Variants in PANK2 observed in about 807,000 individuals in gnomAD.
PANK2 encodes the protein pantothenate kinase 2.
Under a neutral mutation model 43.1 loss-of-function variants are expected in PANK2, and 36 were observed. The ratio of observed to expected loss-of-function variants is 0.84; its 90% CI spans 0.64 to 1.10. PANK2 has a LOEUF of 1.10. PANK2 is among the 50% of genes least tolerant of loss of function. The pLI is 0.00. For synonymous variants in PANK2, 281 were observed against 238.2 expected (o/e 1.18, Z -1.66); for missense variants, 576 against 593.3 (o/e 0.97, Z 0.30).
chr20:3,890,516 C>T (rs771785472), intron 1 of PANK2, among the ~76,000 whole-genome samples: 4 of 152,200 alleles, frequency 2.6e-5, no homozygotes, highest in Non-Finnish European at 5.9e-5. Context: ...AGGACCGCTG[C>T]CTGGCAGCCA....
In PANK2 at chr20:3,923,622, T is replaced by C. The variant is rs2090680768; in HGVS notation, c.*328T>C. 2.5e-6 allele frequency: 1 copy of C among 400,802 alleles called. No individual in the cohort carries two copies. The highest frequency in any genetic ancestry group is 2.0e-5 in the African/African-American group (1 of 49,678). 24.8% of individuals were successfully genotyped at this position (400,802 alleles called of 1,614,324 possible). On this transcript the variant is annotated 3_prime_UTR_variant, in exon 7 of 7. Transcript: ENST00000610179. ...CTGAAGAGAGCTGCTCTGTGTTCAG[T>C]TGACTGGTTTTGTGTCCTGTTTGAA... is the stretch of plus-strand genomic sequence containing the variant.
intron 1 of PANK2, chr20:3,889,945 C>A: frequency 6.5e-7 from 1 of 1,527,280 alleles, no homozygotes; most frequent in Non-Finnish European, 8.8e-7. Context: ...ATGCACTTCC[C>A]GCTTGTTGGA....
In PANK2 at chr20:3,897,938, C is replaced by T. The variant is rs116021638; in HGVS notation, c.298+8210C>T. Among the ~76,000 whole-genome samples the T allele has an allele frequency of 8.6e-3, 1,307 of 151,938 alleles. 26 individuals carry two copies. Among genetic ancestry groups the T allele is most frequent in the African/African-American group, 0.03 (1,243 of 41,462 alleles). On this transcript the variant is annotated intron_variant, in intron 1 of 6. Transcript: ENST00000610179. ...GAGAATCGCTTGAACAACTGGGAGG[C>T]GGAGGTTGCAGTGAGCTGAGGTCTG...
intron 1 of PANK2, chr20:3,889,972 C>G: frequency 6.7e-7 from 1 of 1,485,456 alleles, no homozygotes; most frequent in African/African-American, 1.4e-5. Flanking sequence ...GGCTTTTCCC[C>G]AGGACCTGTC....
rs745590703 is a variant in PANK2, at chr20:3,889,563, C to G, written c.133C>G (p.Pro45Ala). 1 of 1,440,364 alleles carries G rather than the reference C, an allele frequency of 6.9e-7. No individual in the cohort carries two copies. Among genetic ancestry groups the G allele is most frequent in the African/African-American group, 1.5e-5 (1 of 67,076 alleles). The allele number at this position is 1,440,364 out of a possible 1,614,324, so 89.2% of individuals were successfully genotyped here. A position where few individuals can be genotyped will look rare whatever the true frequency, so the allele number is the denominator to read the frequency against. Residue 45 changes from proline (P) to alanine (A), a missense_variant, in exon 1 of 7, where the codon CCC (proline) becomes GCC (alanine). Around this residue, in one of 2 missense-constraint regions of PANK2, gnomAD observed 544 missense variants for 528.9 expected, o/e 1.03. Transcript: ENST00000610179. Reference sequence around the variant, plus strand: ...GGCTGGGGAGCAGGCGGCCGGGGACCCCGAAGGGCGGCGGCAGGAGCCACT... The same window carrying G: ...GGCTGGGGAGCAGGCGGCCGGGGACGCCGAAGGGCGGCGGCAGGAGCCACT...
At chr20:3,919,638 T>A (rs1338347852) in intron 6 of PANK2, among the ~76,000 whole-genome samples, 1 of 152,234 alleles carries the variant, frequency 6.6e-6, no homozygotes, top group Non-Finnish European at 1.5e-5. Context: ...GAAAGCACTC[T>A]TATTTTTCCT....
intron 1 of PANK2, among the ~76,000 whole-genome samples, chr20:3,900,679 G>T (rs1376352544): frequency 6.6e-6 from 1 of 151,910 alleles, no homozygotes; most frequent in Non-Finnish European, 1.5e-5. Flanking sequence ...TAAGCTCACA[G>T]AATTTCCTCT....
In PANK2 at chr20:3,908,027, A is replaced by C; in HGVS notation, c.400A>C (p.Ser134Arg). ...TGAAGAAGAAGAGGAAGAAGTGGAA[A>C]GTCTTAAAAGCATTCGGAAGTACCT... Residue 134 changes from serine to arginine, a missense_variant, in exon 2 of 7, where the codon AGT becomes CGT. By Grantham distance (110) the Ser-to-Arg change is moderately radical (BLOSUM62 -1). Around this residue, in one of 2 missense-constraint regions of PANK2, gnomAD observed 544 missense variants for 528.9 expected, o/e 1.03. Coordinates refer to ENST00000610179, the MANE Select transcript of PANK2 (RefSeq NM_001386393.1). 5.0e-6 allele frequency: 8 copies of C among 1,614,184 alleles called. No homozygotes were observed. The highest frequency in any genetic ancestry group is 2.2e-5 in the South Asian group (2 of 91,086).
At chr20:3,908,302 C>T in intron 2 of PANK2, 24 bp downstream of exon 2, 1 of 1,538,450 alleles carries the variant, frequency 6.5e-7, no homozygotes, top group East Asian at 2.3e-5. Context: ...AGCTTATATA[C>T]AATTTATGGT....
chr20:3,914,470 C>T (rs2041046929), intron 4 of PANK2, among the ~76,000 whole-genome samples: 1 of 151,894 alleles, frequency 6.6e-6, no homozygotes, highest in Non-Finnish European at 1.5e-5. Context: ...TGTGCACTGC[C>T]TTGCCTAATT....
At chr20:3,889,254 G>A, upstream of PANK2, 1 of 1,612,804 alleles carries the variant, frequency 6.2e-7, no homozygotes, top group East Asian at 2.2e-5. Flanking sequence ...CTCATTGGAC[G>A]GAGGCACGGT....
At chr20:3,900,018 T>C (rs2090275323) in intron 1 of PANK2, among the ~76,000 whole-genome samples, 1 of 152,040 alleles carries the variant, frequency 6.6e-6, no homozygotes, top group African/African-American at 2.4e-5. Context: ...AGTTGTACTT[T>C]TTATGCACAT....
chr20:3,888,907 C>G (rs2090057942), upstream of PANK2: 1 of 556,844 alleles, frequency 1.8e-6, no homozygotes, highest in Non-Finnish European at 3.2e-6. Context: ...AGGCTAAGGT[C>G]AGCCGCGGTT....
At position 3,889,477 on chromosome 20, in the gene PANK2, G is replaced by T. The variant is rs3737084; in HGVS notation, c.47G>T (p.Gly16Val). Residue 16 changes from glycine to valine, a missense_variant, in exon 1 of 7, where the codon GGG (glycine) becomes GTG (valine). Transcript: ENST00000610179. ...CAGCGACTGCTGCTGCGGATGGGAG[G>T]GGGCCGGCTCGGCGCGCCCATGGAG... 26 of 1,523,988 alleles carry T rather than the reference G, an allele frequency of 1.7e-5. No homozygotes were observed. In the South Asian group the frequency reaches 2.6e-4, roughly 15 times the overall value. 94.4% of individuals were successfully genotyped at this position (1,523,988 alleles called of 1,614,324 possible). A position where few individuals can be genotyped will look rare whatever the true frequency, so the allele number is the denominator to read the frequency against.
At chr20:3,914,416 GGT>G (rs1490813061) in intron 4 of PANK2, among the ~76,000 whole-genome samples, 3 of 151,814 alleles carry the variant, frequency 2.0e-5, no homozygotes, top group African/African-American at 7.3e-5. Context: ...CCTGGGCTCA[GGT>G]GTTTCTCCTG....
At chr20:3,902,651 CT>C (rs1172511497) in intron 1 of PANK2, among the ~76,000 whole-genome samples, 3 of 151,240 alleles carry the variant, frequency 2.0e-5, no homozygotes, top group Non-Finnish European at 4.4e-5. Context: ...GGACTCCTGG[CT>C]TCAAGTGATC....
intron 1 of PANK2, among the ~76,000 whole-genome samples, chr20:3,898,410 G>A (rs1294701508): frequency 6.6e-6 from 1 of 152,092 alleles, no homozygotes. Context: ...ATGTCGGCCA[G>A]ACTGGTCTCG....
chr20:3,888,951 G>T, upstream of PANK2: 7 of 611,630 alleles, frequency 1.1e-5, no homozygotes, highest in South Asian at 7.3e-5. Context: ...CCAGCGGCCA[G>T]ACGCTGCGGG....
In PANK2 at chr20:3,909,154, C is replaced by G. The variant is rs144668604; in HGVS notation, c.651+876C>G. On this transcript the variant is annotated intron_variant, in intron 2 of 6. Coordinates refer to ENST00000610179, the MANE Select transcript of PANK2 (RefSeq NM_001386393.1). ...GTTCCCAGGCTGGAATGCAATGGCT[C>G]AACACAACCTCCACCTCTCGGGTTC... Among the ~76,000 whole-genome samples, 486 of 152,304 alleles carry G rather than the reference C, an allele frequency of 3.2e-3. 2 individuals are homozygous for G. The highest frequency in any genetic ancestry group is 5.7e-3 in the Non-Finnish European group (389 of 68,030).
Sources: gnomAD v4.1 joint callset for allele counts (sites outside exome capture counted in the v4.1 genomes callset) on GRCh38, gnomAD v4.1.1 for gene constraint, gnomAD v4.1.1 regional missense constraint, MANE v1.5 for transcripts, NCBI Gene and HGNC (gene_info 2026-07-23, HGNC 2026-07-21) for gene names.